The following CPB2 variants were observed in gnomAD, a reference collection of about 807,000 sequenced individuals.
CPB2 encodes carboxypeptidase B2, also known as carboxypeptidase B-like protein.
Under a neutral mutation model 57.0 loss-of-function variants are expected in CPB2, and 54 were observed. The observed-to-expected ratio is 0.95, with a 90% CI of 0.76 to 1.19. CPB2 has a LOEUF of 1.19. CPB2 is among the 50% of genes most tolerant of loss of function. The pLI, the probability that CPB2 is intolerant of heterozygous loss-of-function variation, is 0.00. For synonymous variants in CPB2, 189 were observed against 178.1 expected, an observed-to-expected ratio of 1.06 and a Z score of -0.49; for missense variants, 426 against 512.0, an observed-to-expected ratio of 0.83 and a Z score of 1.62.
intron 9 of CPB2, 82 bp downstream of exon 9, chr13:46,058,096 AT>A: frequency 7.3e-7 from 1 of 1,363,502 alleles, no homozygotes; most frequent in South Asian, 1.4e-5. Context: ...AGAGGACAAA[AT>A]TTTTCCCAGT....
Position 46,058,347 on chromosome 13 carries a change from G to A in CPB2, c.831C>T (p.Thr277=), listed in dbSNP as rs149654876. The change falls in exon 9 of 11, where the codon ACC becomes ACT. Residue 277 remains threonine (T), a synonymous_variant. Coordinates refer to ENST00000181383, the MANE Select transcript of CPB2 (RefSeq NM_001872.5). ...CTGACTCAGGATAAAGTCCACAGTA[G>A]GTTTCCGAGCATGAGGAACTGGATG... ...EGASSSSCSE[T]YCGLYPESEP... 258 of 1,613,954 alleles carry A rather than the reference G, an allele frequency of 1.6e-4. 1 individual carries two copies. The African/African-American group carries it at 2.7e-3, about 17-fold the overall frequency.
chr13:46,101,218 C>G (rs1266155063), intron 1 of CPB2: 1 of 152,178 alleles, frequency 6.6e-6, no homozygotes, highest in Non-Finnish European at 1.5e-5. Context: ...GCTTCTGGAC[C>G]TCATTTCCAT....
At chr13:46,073,510 A>G (rs1044345809) in intron 6 of CPB2, 2 of 979,758 alleles carry the variant, frequency 2.0e-6, no homozygotes. Context: ...TGTCTGGATA[A>G]TTAAAACCAA....
At chr13:46,068,347 A>G (rs1021210355) in intron 6 of CPB2, among the ~76,000 whole-genome samples, 6 of 152,216 alleles carry the variant, frequency 3.9e-5, no homozygotes, top group African/African-American at 1.4e-4. Flanking sequence ...TAAACGTTTA[A>G]AATATTATAT....
At chr13:46,089,079 CCTT>C (rs1347045535) in intron 1 of CPB2, among the ~76,000 whole-genome samples, 7 of 150,552 alleles carry the variant, frequency 4.6e-5, no homozygotes, top group African/African-American at 7.3e-5. Flanking sequence ...CTTCTTCTGT[CCTT>C]CTTATTTAAA....
intron 2 of CPB2, among the ~76,000 whole-genome samples, chr13:46,085,606 G>T (rs2045190975): frequency 6.6e-6 from 1 of 152,140 alleles, no homozygotes; most frequent in Non-Finnish European, 1.5e-5. Flanking sequence ...TCCCCTTTCT[G>T]CAGAGGTGTC....
intron 8 of CPB2, among the ~76,000 whole-genome samples, chr13:46,061,880 A>G (rs1359098883): frequency 2.0e-5 from 3 of 152,196 alleles, no homozygotes; most frequent in Non-Finnish European, 4.4e-5. Flanking sequence ...TGGATCCTTT[A>G]TATAAAGAAT....
intron 1 of CPB2, chr13:46,101,298 G>T (rs1459718933): frequency 1.3e-5 from 2 of 152,138 alleles, no homozygotes; most frequent in Non-Finnish European, 2.9e-5. Context: ...GTTTTTGAGG[G>T]TTACTTGATT....
intron 4 of CPB2, 61 bp from the exon 5 acceptor site, chr13:46,078,962 A>G: frequency 9.6e-7 from 1 of 1,037,626 alleles, no homozygotes; most frequent in Non-Finnish European, 1.5e-6. Flanking sequence ...TCCCTGACCA[A>G]AGCAAGCAGA....
At chr13:46,087,933 T>G (rs1468923313) in intron 1 of CPB2, 113 bp from the exon 2 acceptor site, 2 of 655,560 alleles carry the variant, frequency 3.1e-6, no homozygotes, top group East Asian at 2.7e-5. Flanking sequence ...ATTTAAAATG[T>G]TATTAGGACA....
chr13:46,096,097 T>C (rs1288393644), intron 1 of CPB2, among the ~76,000 whole-genome samples: 1 of 151,878 alleles, frequency 6.6e-6, no homozygotes, highest in African/African-American at 2.4e-5. Context: ...GTAAGGCTGG[T>C]CTCGAACTCC....
rs534913994 is a variant in CPB2, at chr13:46,087,769, T to C, written c.126A>G (p.Leu42=). 1.2e-6 allele frequency: 2 copies of C among 1,611,004 alleles called. No individual in the cohort carries two copies. Residue 42 remains leucine, a synonymous_variant, in exon 2 of 11, where the codon CTA becomes CTG. Transcript: ENST00000181383. ...LPRTSRQVQV[L]QNLTTTYEIV... Reference sequence around the variant, plus strand: ...CCTCATATGTTGTAGTAAGATTCTGTAGAACTTGAACTTGCCTAGAGGTTC... The same window carrying C: ...CCTCATATGTTGTAGTAAGATTCTGCAGAACTTGAACTTGCCTAGAGGTTC...
chr13:46,079,535 C>CAAAAAAAAAAAAAAAAAA (rs58164990), intron 4 of CPB2, among the ~76,000 whole-genome samples: 8 of 110,986 alleles, frequency 7.2e-5, no homozygotes, highest in Non-Finnish European at 1.1e-4. Context: ...AAGGAAAAAG[C>CAAAAAAAAAAAAAAAAAA]AAAAAAAAAA....
intron 9 of CPB2, among the ~76,000 whole-genome samples, chr13:46,056,082 T>C: frequency 6.6e-6 from 1 of 151,876 alleles, no homozygotes; most frequent in East Asian, 1.9e-4. Context: ...ATTGAAATAA[T>C]TTATATAAAT....
chr13:46,103,370 T>A (rs1039176326), intron 1 of CPB2, among the ~76,000 whole-genome samples: 1 of 152,238 alleles, frequency 6.6e-6, no homozygotes, highest in Non-Finnish European at 1.5e-5. Flanking sequence ...AACCAACTGC[T>A]GCCTGCAACT....
intron 1 of CPB2, among the ~76,000 whole-genome samples, chr13:46,103,148 G>A (rs1443724652): frequency 2.0e-5 from 3 of 152,208 alleles, no homozygotes; most frequent in Non-Finnish European, 4.4e-5. Flanking sequence ...CTTTTAGTGT[G>A]TTTTGCTATT....
chr13:46,054,862 T>TTTTTTTTTTTTTTTTTGA (rs2044675207), intron 10 of CPB2, among the ~76,000 whole-genome samples: 1 of 150,808 alleles, frequency 6.6e-6, no homozygotes, highest in African/African-American at 2.5e-5. Context: ...GTAATTCTTA[T>TTTTTTTTTTTTTTTTTGA]GCATTAGCCA....
chr13:46,090,882 A>T (rs958175095), intron 1 of CPB2, among the ~76,000 whole-genome samples: 4 of 148,934 alleles, frequency 2.7e-5, no homozygotes, highest in Non-Finnish European at 4.5e-5. Context: ...ACACCAACAC[A>T]CCTGGCTAAT....
chr13:46,077,997 T>G (rs546454870), intron 5 of CPB2, among the ~76,000 whole-genome samples: 1 of 152,264 alleles, frequency 6.6e-6, no homozygotes, highest in East Asian at 1.9e-4. Context: ...AGTTCTAGTG[T>G]GTAGTAGCAC....
Sources: gnomAD v4.1 joint callset for allele counts (sites outside exome capture counted in the v4.1 genomes callset) on GRCh38, gnomAD v4.1.1 for gene constraint, MANE v1.5 for transcripts, NCBI Gene and HGNC (gene_info 2026-07-23, HGNC 2026-07-21) for gene names.